TRIP11: variants seen among roughly 807,000 people sequenced by gnomAD.
The protein encoded by TRIP11 is thyroid receptor-interacting protein 11.
TRIP11 carries 148 observed loss-of-function variants against 223.1 expected under a neutral mutation model. The ratio of observed to expected loss-of-function variants is 0.66; its 90% CI spans 0.58 to 0.76. TRIP11 has a LOEUF of 0.76. TRIP11 is among the 30% of genes least tolerant of loss of function. The pLI is 0.00. For synonymous variants in TRIP11, 762 were observed against 772.6 expected, an observed-to-expected ratio of 0.99 and a Z score of 0.23; for missense variants, 2,043 against 2,222.0, an observed-to-expected ratio of 0.92 and a Z score of 1.62.
At chr14:91,993,674 C>T (rs1298053578) in intron 15 of TRIP11, 135 bp downstream of exon 15, 2 of 704,730 alleles carry the variant, frequency 2.8e-6, no homozygotes, top group Non-Finnish European at 2.4e-6. Context: ...CACTGTCAGG[C>T]TACAGCAGAG....
In TRIP11 at chr14:92,005,029, T is replaced by C. The variant is rs2056880426; in HGVS notation, c.2947A>G (p.Arg983Gly). The change falls in exon 11 of 21, where the codon AGA (arginine) becomes GGA (glycine). Residue 983 changes from arginine to glycine, a missense_variant. By Grantham distance (125) the Arg-to-Gly change is moderately radical. Coordinates refer to ENST00000267622, the MANE Select transcript of TRIP11 (RefSeq NM_004239.4). ...EQIKTQLHEE[R>G]QDIQTDNSDI... is the part of the protein sequence containing the mutation. The stretch of plus-strand genomic sequence containing the variant: ...GAGTTATCTGTTTGAATGTCCTGTC[T>C]TTCTTCATGCAACTGGGTTTTGATT... 6.2e-7 allele frequency: 1 copy of C among 1,613,988 alleles called. No individual in the cohort carries two copies. Among genetic ancestry groups the C allele is most frequent in the Non-Finnish European group, 8.5e-7 (1 of 1,180,048 alleles).
chr14:92,018,983 A>C (rs1225350018), intron 4 of TRIP11, among the ~76,000 whole-genome samples: 2 of 151,524 alleles, frequency 1.3e-5, no homozygotes, highest in Non-Finnish European at 2.9e-5. Flanking sequence ...AAAAAACAAA[A>C]AAAAAACTTT....
chr14:92,015,592 A>T (rs2057025576), intron 6 of TRIP11, 104 bp downstream of exon 6: 8 of 921,330 alleles, frequency 8.7e-6, no homozygotes, highest in Non-Finnish European at 1.3e-5. Context: ...CGGGGGGCGG[A>T]GGTTGCAGTG....
intron 16 of TRIP11, chr14:91,977,338 T>G (rs1202442417): frequency 4.9e-6 from 2 of 406,864 alleles, no homozygotes; most frequent in African/African-American, 4.2e-5. Context: ...TCTAAGAAAC[T>G]ATACCTAACC....
intron 13 of TRIP11, among the ~76,000 whole-genome samples, chr14:91,997,022 C>T (rs1004612513): frequency 6.6e-6 from 1 of 152,184 alleles, no homozygotes; most frequent in Non-Finnish European, 1.5e-5. Context: ...TTAGGATCAA[C>T]TCATTTTGAA....
At chr14:92,025,631 C>G (rs2057174658) in intron 2 of TRIP11, among the ~76,000 whole-genome samples, 1 of 151,906 alleles carries the variant, frequency 6.6e-6, no homozygotes, top group South Asian at 2.1e-4. Context: ...GCCTGTAATC[C>G]CAGCACTTTG....
chr14:91,997,450 C>T (rs2056765316), intron 13 of TRIP11, among the ~76,000 whole-genome samples: 2 of 151,988 alleles, frequency 1.3e-5, no homozygotes, highest in South Asian at 2.1e-4. Context: ...TAAGTGCCCT[C>T]AAACTATAAG....
chr14:92,027,666 T>G (rs2057207244), intron 2 of TRIP11, among the ~76,000 whole-genome samples: 1 of 152,202 alleles, frequency 6.6e-6, no homozygotes, highest in Admixed American at 6.5e-5. Flanking sequence ...TTACTAAGCA[T>G]TCTACTAATA....
chr14:91,981,020 T>A (rs1340114489), intron 16 of TRIP11, among the ~76,000 whole-genome samples: 103 of 119,460 alleles, frequency 8.6e-4, no homozygotes, highest in East Asian at 3.3e-3. Context: ...ATATTTTTTT[T>A]TTTTTTTTTT....
chr14:92,013,923 G>C (rs2057004326), intron 7 of TRIP11, among the ~76,000 whole-genome samples: 1 of 152,168 alleles, frequency 6.6e-6, no homozygotes. Flanking sequence ...GTTTCAAACA[G>C]GTAACAACTG....
chr14:91,986,981 G>T (rs1837193516), intron 16 of TRIP11, among the ~76,000 whole-genome samples: 1 of 152,200 alleles, frequency 6.6e-6, no homozygotes, highest in African/African-American at 2.4e-5. Flanking sequence ...AACATGAAAA[G>T]ACCACGAATT....
chr14:91,971,642 A>C (rs2056401913), intron 20 of TRIP11, among the ~76,000 whole-genome samples: 1 of 152,122 alleles, frequency 6.6e-6, no homozygotes, highest in Non-Finnish European at 1.5e-5. Context: ...GAGGAAGGGA[A>C]AGAGCCTGCC....
chr14:92,019,401 T>A (rs1213477888), intron 4 of TRIP11, among the ~76,000 whole-genome samples: 3 of 152,202 alleles, frequency 2.0e-5, no homozygotes, highest in African/African-American at 7.2e-5. Context: ...TACTGCCAAG[T>A]TCTCCAGGTC....
chr14:92,005,693 A>G lies in TRIP11; in HGVS notation c.2283T>C (p.His761=). The G allele has an allele frequency of 1.2e-6, 2 of 1,613,832 alleles. No individual in the cohort carries two copies. The highest frequency in any genetic ancestry group is 1.7e-6 in the Non-Finnish European group (2 of 1,180,012). Residue 761 remains histidine, a synonymous_variant, in exon 11 of 21, where the codon CAT becomes CAC. Coordinates refer to ENST00000267622, the MANE Select transcript of TRIP11 (RefSeq NM_004239.4). ...TTTGATTGAGTTTAATTAAATGCTC[A>G]TGTTCCAGCTGTAAGGCAGAGGTAT... ...NLNTSALQLE[H]EHLIKLNQKK...
At chr14:91,989,702 T>C (rs1364135784) in intron 15 of TRIP11, among the ~76,000 whole-genome samples, 3 of 152,034 alleles carry the variant, frequency 2.0e-5, no homozygotes, top group Non-Finnish European at 4.4e-5. Flanking sequence ...ATGATCTAGA[T>C]GTTGCTGTGA....
intron 14 of TRIP11, 147 bp downstream of exon 14, chr14:91,995,205 C>CT (rs2056734172): frequency 2.4e-6 from 2 of 843,714 alleles, no homozygotes; most frequent in Non-Finnish European, 3.7e-6. Context: ...TCTAAATTAA[C>CT]TTTTTGATGG....
intron 16 of TRIP11, among the ~76,000 whole-genome samples, chr14:91,977,999 G>A (rs1016506754): frequency 6.6e-6 from 1 of 151,992 alleles, no homozygotes. Flanking sequence ...TTCCTTTCCT[G>A]TCTTTCCAGT....
In TRIP11 at chr14:92,004,761, T is replaced by C. The variant is rs200721244; in HGVS notation, c.3215A>G (p.His1072Arg). 77 of 1,614,082 alleles carry C rather than the reference T, an allele frequency of 4.8e-5. No homozygotes were observed. The highest frequency in any genetic ancestry group is 1.0e-4 in the Admixed American group (6 of 60,016). ...ATGGGAAGTTGAAGAAATTCTAGCA[T>C]GAAGAGCTTGTATCTCCAAATCTTT... ...QQKDLEIQALHARISSTSHTQ... is the reference protein window; with the variant it reads ...QQKDLEIQALRARISSTSHTQ... The change falls in exon 11 of 21, where the codon CAT becomes CGT. Residue 1072 changes from histidine (H) to arginine (R), a missense_variant. Coordinates refer to ENST00000267622, the MANE Select transcript of TRIP11 (RefSeq NM_004239.4).
chr14:91,969,877 C>T lies in TRIP11; in HGVS notation c.5736G>A (p.Arg1912=). 2 of 1,614,020 alleles carry T rather than the reference C, an allele frequency of 1.2e-6. No homozygotes were observed. Among genetic ancestry groups the T allele is most frequent in the South Asian group, 2.2e-5 (2 of 91,052 alleles). Residue 1912 remains arginine, a synonymous_variant, in exon 21 of 21, where the codon AGG becomes AGA. Coordinates refer to ENST00000267622, the MANE Select transcript of TRIP11 (RefSeq NM_004239.4). ...PESFKDTAES[R]SGRRTDVNPF... ...GATTTACATCTGTTCTTCTACCAGACCTGGATTCTGCTGTATCTAAAGAAT... is the reference window on the plus strand; with the variant it reads ...GATTTACATCTGTTCTTCTACCAGATCTGGATTCTGCTGTATCTAAAGAAT...
Sources: gnomAD v4.1 joint callset for allele counts (sites outside exome capture counted in the v4.1 genomes callset) on GRCh38, gnomAD v4.1.1 for gene constraint, MANE v1.5 for transcripts, NCBI Gene and HGNC (gene_info 2026-07-23, HGNC 2026-07-21) for gene names.